CHRM3: variants seen among roughly 807,000 people sequenced by gnomAD.
The protein encoded by CHRM3 is cholinergic receptor muscarinic 3.
CHRM3 carries 11 observed loss-of-function variants against 41.8 expected under a neutral mutation model. The observed-to-expected ratio is 0.26, with a 90% CI of 0.17 to 0.44. The LOEUF is 0.44. Ranked by LOEUF, CHRM3 falls within the 20% of genes least tolerant of loss-of-function variation. The pLI is 1.00. For missense variants in CHRM3, 571 were observed against 745.4 expected (o/e 0.77, Z 2.72); for synonymous variants, 297 against 301.4 (o/e 0.99, Z 0.15).
At chr1:239,557,849 G>A (rs1344832897) in intron 3 of CHRM3, among the ~76,000 whole-genome samples, 1 of 152,152 alleles carries the variant, frequency 6.6e-6, no homozygotes, top group Non-Finnish European at 1.5e-5. Context: ...ATTCCATGGT[G>A]CATATGTACC....
intron 6 of CHRM3, among the ~76,000 whole-genome samples, chr1:239,874,301 AT>A (rs1676900125): frequency 8.1e-6 from 1 of 123,838 alleles, no homozygotes; most frequent in Non-Finnish European, 1.6e-5. Context: ...ATATATATAT[AT>A]ATATATATAT....
intron 4 of CHRM3, among the ~76,000 whole-genome samples, chr1:239,648,599 G>A (rs376585560): frequency 5.9e-5 from 9 of 152,170 alleles, no homozygotes; most frequent in African/African-American, 1.2e-4. Flanking sequence ...GGAGAGGAGC[G>A]AGCAAAAGGG....
chr1:239,721,679 CT>C (rs1351886713), intron 5 of CHRM3, among the ~76,000 whole-genome samples: 1 of 151,788 alleles, frequency 6.6e-6, no homozygotes, highest in Non-Finnish European at 1.5e-5. Context: ...GAATTAATTC[CT>C]ACACAGAAAA....
intron 5 of CHRM3, among the ~76,000 whole-genome samples, chr1:239,694,833 A>G (rs781236157): frequency 6.6e-6 from 1 of 152,160 alleles, no homozygotes; most frequent in Non-Finnish European, 1.5e-5. Flanking sequence ...AAATATTAAT[A>G]ATATGTACAG....
At chr1:239,410,301 C>G (rs1341337813) in intron 1 of CHRM3, among the ~76,000 whole-genome samples, 2 of 152,106 alleles carry the variant, frequency 1.3e-5, no homozygotes, top group African/African-American at 4.8e-5. Flanking sequence ...ATTATTACCC[C>G]ACTAAGGGGC....
intron 4 of CHRM3, among the ~76,000 whole-genome samples, chr1:239,666,310 T>C (rs1673799558): frequency 6.6e-6 from 1 of 151,828 alleles, no homozygotes; most frequent in Admixed American, 6.6e-5. Context: ...TTCTCCTGAC[T>C]CAGCCTCCTG....
chr1:239,549,433 T>C (rs1227523860), intron 3 of CHRM3, among the ~76,000 whole-genome samples: 1 of 150,378 alleles, frequency 6.6e-6, no homozygotes. Context: ...TCAGATCACT[T>C]GAGGTCAGAA....
chr1:239,407,417 T>TATAGAG, intron 1 of CHRM3, among the ~76,000 whole-genome samples: 4 of 134,084 alleles, frequency 3.0e-5, no homozygotes, highest in East Asian at 4.2e-4. Flanking sequence ...TATATATATA[T>TATAGAG]AGAGAGAGAG....
intron 1 of CHRM3, among the ~76,000 whole-genome samples, chr1:239,418,016 G>C (rs544989400): frequency 6.6e-6 from 1 of 152,072 alleles, no homozygotes; most frequent in African/African-American, 2.4e-5. Flanking sequence ...CTGTAGTGCC[G>C]GGTCTTTTAA....
At chr1:239,866,267 C>T (rs1321042212) in intron 6 of CHRM3, among the ~76,000 whole-genome samples, 1 of 152,072 alleles carries the variant, frequency 6.6e-6, no homozygotes, top group Non-Finnish European at 1.5e-5. Context: ...GTCCCAGCTA[C>T]TCGGGAGGCT....
chr1:239,687,439 G>A (rs1659254497), intron 5 of CHRM3, among the ~76,000 whole-genome samples: 1 of 152,178 alleles, frequency 6.6e-6, no homozygotes, highest in South Asian at 2.1e-4. Context: ...AGATCATATT[G>A]ATAGTACTTA....
intron 3 of CHRM3, among the ~76,000 whole-genome samples, chr1:239,561,646 CAG>C (rs1250915523): frequency 2.0e-5 from 3 of 151,516 alleles, no homozygotes; most frequent in Non-Finnish European, 2.9e-5. Context: ...ATATCTATAA[CAG>C]ATAATCAAAA....
chr1:239,450,459 T>A (rs1476675903), intron 1 of CHRM3, among the ~76,000 whole-genome samples: 7 of 152,252 alleles, frequency 4.6e-5, no homozygotes, highest in African/African-American at 1.4e-4. Context: ...TTTGTTCATA[T>A]CTTTATTCTT....
At chr1:239,814,058 A>G (rs1671373498) in intron 5 of CHRM3, among the ~76,000 whole-genome samples, 1 of 87,468 alleles carries the variant, frequency 1.1e-5, no homozygotes. Flanking sequence ...AAATAAATAC[A>G]TAAACTAATG....
chr1:239,790,065 C>T (rs1055721280), intron 5 of CHRM3, among the ~76,000 whole-genome samples: 2 of 152,158 alleles, frequency 1.3e-5, no homozygotes, highest in Non-Finnish European at 2.9e-5. Flanking sequence ...TACCTGTACC[C>T]TAGGTGTATT....
chr1:239,513,831 T>A (rs909322049), intron 2 of CHRM3, among the ~76,000 whole-genome samples: 1 of 152,190 alleles, frequency 6.6e-6, no homozygotes, highest in Non-Finnish European at 1.5e-5. Context: ...TGTCTAGATT[T>A]TTTTTTCTTT....
intron 5 of CHRM3, among the ~76,000 whole-genome samples, chr1:239,752,586 A>G (rs189832473): frequency 1.4e-4 from 22 of 152,304 alleles, no homozygotes; most frequent in Admixed American, 3.3e-4. Flanking sequence ...ATCTTCCCCA[A>G]TTGAAAAATT....
chr1:239,792,271 C>T (rs889434847), intron 5 of CHRM3, among the ~76,000 whole-genome samples: 1 of 152,172 alleles, frequency 6.6e-6, no homozygotes, highest in Non-Finnish European at 1.5e-5. Flanking sequence ...GTCATTGCAC[C>T]AGACACCAGG....
chr1:239,819,467 C>G (rs1438702982), intron 5 of CHRM3, among the ~76,000 whole-genome samples: 1 of 152,204 alleles, frequency 6.6e-6, no homozygotes. Flanking sequence ...TGTATCTGAC[C>G]TCAATTTCCT....
Sources: allele counts gnomAD v4.1 joint callset (sites outside exome capture counted in the v4.1 genomes callset), GRCh38; gene constraint gnomAD v4.1.1; transcripts MANE v1.5; gene names NCBI Gene and HGNC (gene_info 2026-07-23, HGNC 2026-07-21).